BANK1: variants seen among roughly 807,000 people sequenced by gnomAD.
BANK1 encodes the protein B cell scaffold protein with ankyrin repeats 1, also known as B-cell scaffold protein with ankyrin repeats.
In BANK1, 95 loss-of-function variants were observed where a neutral mutation model predicts 94.5. The ratio of observed to expected loss-of-function variants is 1.00; its 90% CI spans 0.85 to 1.19. The LOEUF (loss-of-function observed/expected upper bound fraction) is 1.19, where lower values mean the gene tolerates loss of function less well. Among genes scored for constraint, BANK1 ranks in the 50% most tolerant of loss-of-function variants. The pLI, the probability that BANK1 is intolerant of heterozygous loss-of-function variation, is 0.00. For synonymous variants in BANK1, 334 were observed against 308.4 expected (o/e 1.08, Z -0.87); for missense variants, 987 against 932.2 (o/e 1.06, Z -0.77).
chr4:101,932,342 T>C (rs1723381789), intron 7 of BANK1, among the ~76,000 whole-genome samples: 1 of 151,650 alleles, frequency 6.6e-6, no homozygotes, highest in South Asian at 2.1e-4. Flanking sequence ...TGTGTGCATA[T>C]GCCTATATAT....
chr4:102,031,122 G>A (rs944812852), intron 10 of BANK1, among the ~76,000 whole-genome samples: 7 of 152,064 alleles, frequency 4.6e-5, no homozygotes, highest in African/African-American at 1.2e-4. Context: ...ACTTTTTAAT[G>A]GTTGCCATTC....
chr4:101,956,273 C>T (rs1724334877), intron 7 of BANK1, among the ~76,000 whole-genome samples: 1 of 152,142 alleles, frequency 6.6e-6, no homozygotes, highest in African/African-American at 2.4e-5. Context: ...AACTAAGTGA[C>T]CTCTACTTCC....
chr4:101,819,739 G>A (rs1726065426), intron 1 of BANK1, among the ~76,000 whole-genome samples: 1 of 152,148 alleles, frequency 6.6e-6, no homozygotes, highest in Non-Finnish European at 1.5e-5. Context: ...TGTCTATGCT[G>A]CAGAAGACAG....
intron 7 of BANK1, among the ~76,000 whole-genome samples, chr4:101,960,610 A>T (rs1241284467): frequency 6.6e-6 from 1 of 152,100 alleles, no homozygotes. Flanking sequence ...AATTGTTTTT[A>T]ACTGTGGTGA....
intron 11 of BANK1, among the ~76,000 whole-genome samples, chr4:102,050,919 T>C (rs1205043610): frequency 3.9e-5 from 6 of 152,192 alleles, no homozygotes; most frequent in African/African-American, 1.4e-4. Flanking sequence ...CCCTATAGTT[T>C]ATGAGCTTGT....
intron 11 of BANK1, among the ~76,000 whole-genome samples, chr4:102,049,791 C>T (rs1471476370): frequency 6.6e-6 from 1 of 152,168 alleles, no homozygotes; most frequent in Non-Finnish European, 1.5e-5. Context: ...CCAGTAAGAT[C>T]GCAGGAGTTG....
intron 1 of BANK1, among the ~76,000 whole-genome samples, chr4:101,798,047 T>C (rs1035060621): frequency 6.6e-6 from 1 of 152,132 alleles, no homozygotes; most frequent in African/African-American, 2.4e-5. Context: ...AATTCAAAAA[T>C]AGAATGTTTC....
intron 9 of BANK1, 36 bp downstream of exon 9, chr4:102,025,545 A>C: frequency 1.9e-6 from 3 of 1,585,926 alleles, no homozygotes; most frequent in Non-Finnish European, 2.6e-6. Context: ...AAACAAAACA[A>C]AGACAAATCT....
At chr4:101,873,734 A>C (rs768687258) in intron 5 of BANK1, among the ~76,000 whole-genome samples, 1 of 152,164 alleles carries the variant, frequency 6.6e-6, no homozygotes, top group Admixed American at 6.5e-5. Context: ...AATTTCCAGA[A>C]CATCACTTAA....
Position 101,830,115 on chromosome 4 carries a change from A to T in BANK1, c.378A>T (p.Glu126Asp). The change falls in exon 2 of 17, where the codon GAA becomes GAT. Residue 126 changes from glutamate to aspartate, a missense_variant. Coordinates refer to ENST00000322953, the MANE Select transcript of BANK1 (RefSeq NM_017935.5). Reference sequence around the variant, plus strand: ...TGAAGAGTTCAGATCAGCTCTATGAATTACTAAATATCTCTCAAAGCAGAT... The same window carrying T: ...TGAAGAGTTCAGATCAGCTCTATGATTTACTAAATATCTCTCAAAGCAGAT... ...CGVKSSDQLY[E>D]LLNISQSRWE... is the part of the protein sequence containing the mutation. 6.2e-7 allele frequency: 1 copy of T among 1,613,018 alleles called. No individual in the cohort carries two copies. Among genetic ancestry groups the T allele is most frequent in the Non-Finnish European group, 8.5e-7 (1 of 1,179,646 alleles).
intron 11 of BANK1, among the ~76,000 whole-genome samples, chr4:102,056,318 T>TAAAAGACG (rs1255899118): frequency 6.6e-6 from 1 of 152,070 alleles, no homozygotes; most frequent in African/African-American, 2.4e-5. Flanking sequence ...GTGATTCACA[T>TAAAAGACG]AAAAGACTTA....
At chr4:101,889,972 T>C (rs1397996766) in intron 5 of BANK1, among the ~76,000 whole-genome samples, 2 of 152,200 alleles carry the variant, frequency 1.3e-5, no homozygotes, top group Non-Finnish European at 1.5e-5. Flanking sequence ...TTGGACACTT[T>C]CCTATGATCT....
At chr4:101,806,696 G>A (rs1725566992) in intron 1 of BANK1, among the ~76,000 whole-genome samples, 1 of 152,150 alleles carries the variant, frequency 6.6e-6, no homozygotes, top group Admixed American at 6.5e-5. Flanking sequence ...ACACTGCAGA[G>A]ATGAAAATAG....
At chr4:101,796,802 A>G (rs908552052) in intron 1 of BANK1, among the ~76,000 whole-genome samples, 1 of 152,176 alleles carries the variant, frequency 6.6e-6, no homozygotes, top group African/African-American at 2.4e-5. Flanking sequence ...AGTTTTTAAT[A>G]TACATTTCAA....
At chr4:102,067,578 A>G (rs1019859011) in intron 13 of BANK1, among the ~76,000 whole-genome samples, 2 of 152,066 alleles carry the variant, frequency 1.3e-5, no homozygotes, top group South Asian at 2.1e-4. Context: ...CAAGGATATT[A>G]CATACAGATA....
intron 6 of BANK1, among the ~76,000 whole-genome samples, chr4:101,897,741 C>A (rs1452559881): frequency 6.6e-6 from 1 of 151,904 alleles, no homozygotes; most frequent in Non-Finnish European, 1.5e-5. Context: ...GGGAGTAGGT[C>A]CCAGCCATCA....
At chr4:101,972,393 G>A (rs2148923577) in intron 7 of BANK1, 1 of 152,124 alleles carries the variant, frequency 6.6e-6, no homozygotes, top group East Asian at 1.9e-4. Context: ...CAACTTTACT[G>A]TATTTGTTTA....
intron 5 of BANK1, among the ~76,000 whole-genome samples, chr4:101,885,296 T>A (rs1457971725): frequency 6.6e-6 from 1 of 152,174 alleles, no homozygotes; most frequent in Admixed American, 6.5e-5. Context: ...TTGGGGTGAA[T>A]TAAAATATTT....
intron 4 of BANK1, among the ~76,000 whole-genome samples, chr4:101,865,465 T>C (rs1437050101): frequency 1.3e-5 from 2 of 152,032 alleles, no homozygotes; most frequent in African/African-American, 4.8e-5. Flanking sequence ...GAACCTCTGG[T>C]GGGGTCAGAG....
Sources: allele counts gnomAD v4.1 joint callset (sites outside exome capture counted in the v4.1 genomes callset), GRCh38; gene constraint gnomAD v4.1.1; transcripts MANE v1.5; gene names NCBI Gene and HGNC (gene_info 2026-07-23, HGNC 2026-07-21).